Variants in BMERB1 observed in about 807,000 individuals in gnomAD.
BMERB1 encodes the protein bMERB domain containing 1.
In BMERB1, 12 loss-of-function variants were observed where a neutral mutation model predicts 23.6. That is an observed-to-expected ratio of 0.51 (90% CI 0.33 to 0.82). BMERB1 has a LOEUF of 0.82. BMERB1 is among the 40% of genes least tolerant of loss of function. The pLI is 0.03. For missense variants in BMERB1, 247 were observed against 255.4 expected, an observed-to-expected ratio of 0.97 and a Z score of 0.22; for synonymous variants, 122 against 96.6, an observed-to-expected ratio of 1.26 and a Z score of -1.54.
chr16:15,565,452 C>T (rs1313201188), intron 2 of BMERB1, among the ~76,000 whole-genome samples: 1 of 152,162 alleles, frequency 6.6e-6, no homozygotes, highest in African/African-American at 2.4e-5. Context: ...TTGGGTTTAC[C>T]TTCTGTCTCT....
chr16:15,492,884 A>C (rs143294512), intron 1 of BMERB1, among the ~76,000 whole-genome samples: 7 of 151,402 alleles, frequency 4.6e-5, no homozygotes, highest in African/African-American at 1.2e-4. Flanking sequence ...ATGCCACTGC[A>C]CTCCAGCCTG....
At chr16:15,442,097 G>A (rs1023989490) in intron 1 of BMERB1, among the ~76,000 whole-genome samples, 3 of 152,216 alleles carry the variant, frequency 2.0e-5, no homozygotes, top group South Asian at 2.1e-4. Flanking sequence ...TTGGGAGACC[G>A]AGGCAGGTGG....
At chr16:15,584,132 G>C in intron 5 of BMERB1, 1 of 695,706 alleles carries the variant, frequency 1.4e-6, no homozygotes, top group South Asian at 1.5e-5. Context: ...CCTGTATTTG[G>C]AGAGTCCCAG....
At chr16:15,444,119 C>CTTTTTTTTTTTTTTTTTTTTTTTT (rs1225982061) in intron 1 of BMERB1, among the ~76,000 whole-genome samples, 1 of 24,460 alleles carries the variant, frequency 4.1e-5, no homozygotes, top group African/African-American at 1.9e-4. Context: ...CAGGCACCAG[C>CTTTTTTTTTTTTTTTTTTTTTTTT]TTTGTTTTTT....
At chr16:15,538,175 G>C (rs1329279316) in intron 2 of BMERB1, among the ~76,000 whole-genome samples, 5 of 152,192 alleles carry the variant, frequency 3.3e-5, no homozygotes, top group Non-Finnish European at 5.9e-5. Context: ...TAGATGGGCC[G>C]GATGCGTTGG....
intron 2 of BMERB1, among the ~76,000 whole-genome samples, chr16:15,559,750 G>A (rs138999992): frequency 6.6e-6 from 1 of 152,290 alleles, no homozygotes; most frequent in Non-Finnish European, 1.5e-5. Context: ...CTTCTTTCTT[G>A]GAAGGATGTT....
intron 2 of BMERB1, among the ~76,000 whole-genome samples, chr16:15,542,978 G>T (rs1335397578): frequency 6.6e-6 from 1 of 152,164 alleles, no homozygotes; most frequent in African/African-American, 2.4e-5. Flanking sequence ...GTTCAGTGGA[G>T]ATTCAGGGTG....
intron 1 of BMERB1, among the ~76,000 whole-genome samples, chr16:15,444,181 C>T (rs56303271): frequency 0.016 from 1,701 of 106,362 alleles, 25 homozygotes; most frequent in Middle Eastern, 0.088. Flanking sequence ...CTTAATGGAT[C>T]CTGGGACTGC....
intron 1 of BMERB1, among the ~76,000 whole-genome samples, chr16:15,444,765 G>GCCTGGCTCTGCCATGT (rs1447660115): frequency 6.6e-6 from 1 of 152,114 alleles, no homozygotes; most frequent in African/African-American, 2.4e-5. Flanking sequence ...TTATTTTGAG[G>GCCTGGCTCTGCCATGT]CCTGGCTCTG....
intron 1 of BMERB1, among the ~76,000 whole-genome samples, chr16:15,435,736 C>A (rs1465268377): frequency 1.3e-5 from 2 of 152,186 alleles, no homozygotes; most frequent in Non-Finnish European, 2.9e-5. Flanking sequence ...CTTATTCTGT[C>A]CTCACCTGGT....
intron 1 of BMERB1, among the ~76,000 whole-genome samples, chr16:15,455,554 G>A (rs977891444): frequency 6.6e-6 from 1 of 151,856 alleles, no homozygotes; most frequent in Non-Finnish European, 1.5e-5. Context: ...TCCGCCTCAC[G>A]GGTTCACGCC....
intron 2 of BMERB1, among the ~76,000 whole-genome samples, chr16:15,546,000 G>A (rs1231396778): frequency 6.6e-6 from 1 of 151,338 alleles, no homozygotes; most frequent in East Asian, 1.9e-4. Flanking sequence ...AAAGAAGAGG[G>A]TGGGGGCCAG....
chr16:15,539,100 A>G lies in BMERB1; in HGVS notation c.230+23672A>G, dbSNP rs756021141. 1.1e-4 allele frequency among the ~76,000 whole-genome samples: 16 copies of G among 152,328 alleles called. No homozygotes were observed. In the South Asian group the frequency reaches 1.7e-3, roughly 16 times the overall value. ...TTGTAATCTATAATGAAATAATTAT[A>G]CAACTCACCATAATGTGGAATCAGT... On this transcript the variant is annotated intron_variant, in intron 2 of 5. Coordinates refer to ENST00000300006, the MANE Select transcript of BMERB1 (RefSeq NM_033201.3).
At chr16:15,466,407 C>G (rs1433213499) in intron 1 of BMERB1, among the ~76,000 whole-genome samples, 1 of 151,824 alleles carries the variant, frequency 6.6e-6, no homozygotes, top group African/African-American at 2.4e-5. Context: ...AGGTCGTACC[C>G]TTTTGCCCTT....
At position 15,579,652 on chromosome 16, in the gene BMERB1, G is replaced by A. The variant is rs1194133044; in HGVS notation, c.305-1565G>A. ...TTAATTTTCTCAAACCTCATCTTCA[G>A]CCCTCTCTCTTTTTTTTATTTTTTC... On this transcript the variant is annotated intron_variant, in intron 3 of 5. Transcript: ENST00000300006. Among the ~76,000 whole-genome samples, 5 of 148,992 alleles carry A rather than the reference G, an allele frequency of 3.4e-5. No homozygotes were observed. In the East Asian group the frequency reaches 7.7e-4, roughly 23 times the overall value.
In BMERB1 at chr16:15,515,540, A is replaced by C. The variant is rs2051740061; in HGVS notation, c.230+112A>C. On this transcript the variant is annotated intron_variant, in intron 2 of 5. Coordinates refer to ENST00000300006, the MANE Select transcript of BMERB1 (RefSeq NM_033201.3). ...AGGCACTGAGATAAAGGCATTATGC[A>C]CGTTTTTAAAAGCCTCATTTGATTC... is the stretch of plus-strand genomic sequence containing the variant. 2.2e-6 allele frequency: 3 copies of C among 1,389,946 alleles called. No individual in the cohort carries two copies. The African/African-American group carries it at 4.4e-5, about 20-fold the overall frequency. 86.1% of individuals were successfully genotyped at this position (1,389,946 alleles called of 1,614,324 possible).
At chr16:15,533,250 CAA>C (rs1255960710) in intron 2 of BMERB1, 2 of 206,694 alleles carry the variant, frequency 9.7e-6, no homozygotes, top group African/African-American at 4.7e-5. Flanking sequence ...AGAGGAGACA[CAA>C]GAGAAGGGGG....
chr16:15,510,108 A>C (rs963371841), intron 1 of BMERB1, among the ~76,000 whole-genome samples: 3 of 152,124 alleles, frequency 2.0e-5, no homozygotes, highest in Non-Finnish European at 2.9e-5. Context: ...CCATCCCTAG[A>C]GCCTCTGGAG....
chr16:15,455,259 G>A (rs2051075645), intron 1 of BMERB1, among the ~76,000 whole-genome samples: 1 of 150,838 alleles, frequency 6.6e-6, no homozygotes, highest in African/African-American at 2.4e-5. Flanking sequence ...GGGAGATGGA[G>A]GTTGCAGTGA....
Sources: allele counts gnomAD v4.1 joint callset (sites outside exome capture counted in the v4.1 genomes callset), GRCh38; gene constraint gnomAD v4.1.1; transcripts MANE v1.5; gene names NCBI Gene and HGNC (gene_info 2026-07-23, HGNC 2026-07-21).